The following ILKAP variants were observed in gnomAD, a reference collection of about 807,000 sequenced individuals.
ILKAP encodes the protein ILK associated serine/threonine phosphatase.
ILKAP carries 11 observed loss-of-function variants against 49.1 expected under a neutral mutation model. The observed-to-expected ratio is 0.22, with a 90% CI of 0.14 to 0.37. The LOEUF (loss-of-function observed/expected upper bound fraction) is 0.37, where lower values mean the gene tolerates loss of function less well. Among genes scored for constraint, ILKAP ranks in the 10% least tolerant of loss-of-function variants. The pLI is 1.00. For synonymous variants in ILKAP, 186 were observed against 192.8 expected, an observed-to-expected ratio of 0.96 and a Z score of 0.29; for missense variants, 363 against 510.8, an observed-to-expected ratio of 0.71 and a Z score of 2.79.
intron 9 of ILKAP, among the ~76,000 whole-genome samples, chr2:238,180,468 A>G (rs979517076): frequency 2.0e-5 from 3 of 152,258 alleles, no homozygotes; most frequent in Admixed American, 6.5e-5. Flanking sequence ...ACACATCTAT[A>G]CAGACTAAAC....
chr2:238,191,812 C>T (rs531396504), intron 3 of ILKAP, among the ~76,000 whole-genome samples: 2 of 147,148 alleles, frequency 1.4e-5, no homozygotes, highest in Non-Finnish European at 3.0e-5. Flanking sequence ...GGCTGAGGCA[C>T]GAGACTCACT....
In ILKAP at chr2:238,194,795, A is replaced by G. The variant is rs1412148034; in HGVS notation, c.121+10T>C. The G allele has an allele frequency of 4.3e-6, 7 of 1,613,720 alleles. No homozygotes were observed. The highest frequency in any genetic ancestry group is 2.2e-5 in the South Asian group (2 of 91,066). ...GTTGACACACACCTGGGAGAGCCTG[A>G]AGACTGTACCTGAGTCAGTACTGCT... On this transcript the variant is annotated intron_variant, in intron 2 of 11. Transcript: ENST00000254654.
rs147620290 is a variant in ILKAP, at chr2:238,175,639, G to A, written c.837-1986C>T. On this transcript the variant is annotated intron_variant, in intron 9 of 11. Coordinates refer to ENST00000254654, the MANE Select transcript of ILKAP (RefSeq NM_030768.3). ...TCTCTGAGATCGAGCATCACACAAGGGTAAATCCATGCCACCTCTGTTCTG... is the reference window on the plus strand; with the variant it reads ...TCTCTGAGATCGAGCATCACACAAGAGTAAATCCATGCCACCTCTGTTCTG... Among the ~76,000 whole-genome samples, 8 of 152,236 alleles carry A rather than the reference G, an allele frequency of 5.3e-5. No homozygotes were observed. In the East Asian group the frequency reaches 1.5e-3, roughly 29 times the overall value.
At chr2:238,170,922 C>A (rs1239720484) in intron 11 of ILKAP, 21 bp downstream of exon 11, 8 of 1,604,140 alleles carry the variant, frequency 5.0e-6, no homozygotes, top group Non-Finnish European at 6.0e-6. Flanking sequence ...ACAACCACCA[C>A]CCCCGTGTGA....
At position 238,170,624 on chromosome 2, in the gene ILKAP, T is replaced by C. The variant is rs1227059915; in HGVS notation, c.1091A>G (p.Glu364Gly). The change falls in exon 12 of 12, where the codon GAA (glutamate) becomes GGA (glycine). Residue 364 changes from glutamate (E) to glycine (G), a missense_variant. Physicochemically the swap from Glu to Gly is moderately conservative, Grantham distance 98. This residue lies in a region of ILKAP where 83 missense variants were observed against 87.5 expected (regional missense o/e 0.95). Coordinates refer to ENST00000254654, the MANE Select transcript of ILKAP (RefSeq NM_030768.3). Reference protein sequence around the residue: ...EGKSAADARYEAACNRLANKA... With the variant: ...EGKSAADARYGAACNRLANKA... ...GTTGGCCAGCCTGTTGCAGGCTGCT[T>C]CGTAGCGGGCGTCGGCTGCGGACTT... 6.2e-7 allele frequency: 1 copy of C among 1,605,336 alleles called. No individual in the cohort carries two copies. Among genetic ancestry groups the C allele is most frequent in the Non-Finnish European group, 8.5e-7 (1 of 1,173,088 alleles).
chr2:238,178,176 A>G (rs1449115742), intron 9 of ILKAP, among the ~76,000 whole-genome samples: 1 of 152,164 alleles, frequency 6.6e-6, no homozygotes, highest in Non-Finnish European at 1.5e-5. Flanking sequence ...AACACAAACT[A>G]AAGTTAGGAT....
chr2:238,177,305 GTTT>G (rs1559289755), intron 9 of ILKAP, among the ~76,000 whole-genome samples: 1 of 152,148 alleles, frequency 6.6e-6, no homozygotes. Flanking sequence ...AGTTTTTCAT[GTTT>G]TTTATTGTGG....
At chr2:238,193,564 T>G (rs1282532229) in intron 3 of ILKAP, among the ~76,000 whole-genome samples, 1 of 152,230 alleles carries the variant, frequency 6.6e-6, no homozygotes, top group African/African-American at 2.4e-5. Context: ...CTATCTTTAT[T>G]GGGAAGGTTT....
At chr2:238,196,472 C>T (rs56855173) in intron 1 of ILKAP, among the ~76,000 whole-genome samples, 1 of 152,112 alleles carries the variant, frequency 6.6e-6, no homozygotes, top group African/African-American at 2.4e-5. Flanking sequence ...AGTGGTCCAC[C>T]CGCCTCAGCC....
chr2:238,190,099 C>T, intron 3 of ILKAP, 127 bp from the exon 4 acceptor site: 5 of 937,294 alleles, frequency 5.3e-6, no homozygotes, highest in Non-Finnish European at 6.2e-6. Context: ...CAGACACAGG[C>T]AGACCCAGGA....
chr2:238,197,985 T>C (rs934534205), intron 1 of ILKAP, among the ~76,000 whole-genome samples: 4 of 152,180 alleles, frequency 2.6e-5, no homozygotes, highest in African/African-American at 4.8e-5. Context: ...TTCAAAGCCA[T>C]GCAGTCCGTG....
At position 238,183,851 on chromosome 2, in the gene ILKAP, T is replaced by C. The variant is rs1349547321; in HGVS notation, c.627-111A>G. 5.0e-6 allele frequency: 5 copies of C among 995,176 alleles called. No homozygotes were observed. In the African/African-American group the frequency reaches 8.1e-5, roughly 16 times the overall value. 61.6% of individuals were successfully genotyped at this position (995,176 alleles called of 1,614,324 possible). On this transcript the variant is annotated intron_variant, in intron 7 of 11. Coordinates refer to ENST00000254654, the MANE Select transcript of ILKAP (RefSeq NM_030768.3). ...TATATTTCAAAATGAACCATTTCCT[T>C]GATACTTGCTTTTTTTCTGTTTTAG...
chr2:238,190,096 A>T, intron 3 of ILKAP, 124 bp from the exon 4 acceptor site: 1 of 913,388 alleles, frequency 1.1e-6, no homozygotes, highest in Non-Finnish European at 1.6e-6. Context: ...TGGCAGACAC[A>T]GGCAGACCCA....
In ILKAP at chr2:238,177,005, C is replaced by T. The variant is rs527678319; in HGVS notation, c.837-3352G>A. Among the ~76,000 whole-genome samples, 12 of 152,330 alleles carry T rather than the reference C, an allele frequency of 7.9e-5. No individual in the cohort carries two copies. In the South Asian group the frequency reaches 2.5e-3, roughly 32 times the overall value. On this transcript the variant is annotated intron_variant, in intron 9 of 11. Transcript: ENST00000254654. ...GGCCTGCACTTGATCAAGTTCTAGG[C>T]ACACAGTACTGACATTTAAATTTAA...
At chr2:238,193,007 C>T (rs534371632) in intron 3 of ILKAP, among the ~76,000 whole-genome samples, 28 of 144,298 alleles carry the variant, frequency 1.9e-4, no homozygotes, top group Admixed American at 3.6e-4. Context: ...TGTGAGACTC[C>T]GTCTCAAGAA....
At chr2:238,192,201 C>CT (rs1694156689) in intron 3 of ILKAP, among the ~76,000 whole-genome samples, 1 of 117,894 alleles carries the variant, frequency 8.5e-6, no homozygotes, top group African/African-American at 3.0e-5. Flanking sequence ...GTGAGACTGT[C>CT]TTAAAAAAAA....
chr2:238,194,440 CTT>C, intron 2 of ILKAP, 109 bp from the exon 3 acceptor site: 1 of 992,180 alleles, frequency 1.0e-6, no homozygotes, highest in Non-Finnish European at 1.6e-6. Flanking sequence ...AAACTCAAAA[CTT>C]TGCGTCAATC....
intron 1 of ILKAP, among the ~76,000 whole-genome samples, chr2:238,202,053 C>T (rs1265857924): frequency 1.3e-5 from 2 of 152,012 alleles, no homozygotes; most frequent in Non-Finnish European, 2.9e-5. Flanking sequence ...GGTGAAACCC[C>T]GTCTCTACTA....
intron 9 of ILKAP, among the ~76,000 whole-genome samples, chr2:238,177,386 T>TCA (rs1392729122): frequency 6.6e-6 from 1 of 152,206 alleles, no homozygotes; most frequent in African/African-American, 2.4e-5. Context: ...TTAAATATAT[T>TCA]CACACTGTTG....
Sources: allele counts gnomAD v4.1 joint callset (sites outside exome capture counted in the v4.1 genomes callset), GRCh38; gene constraint gnomAD v4.1.1; regional missense constraint gnomAD v4.1.1; transcripts MANE v1.5; gene names NCBI Gene and HGNC (gene_info 2026-07-23, HGNC 2026-07-21).